The following NR6A1 variants were observed in gnomAD, a reference collection of about 807,000 sequenced individuals.
NR6A1 encodes the protein retinoic acid receptor-related testis-associated receptor.
A neutral mutation model predicts 59.1 loss-of-function variants in NR6A1; 7 were observed. The ratio of observed to expected loss-of-function variants is 0.12; its 90% CI spans 0.07 to 0.22. NR6A1 has a LOEUF of 0.22. Among genes scored for constraint, NR6A1 ranks in the 10% least tolerant of loss-of-function variants. The pLI, the probability that NR6A1 is intolerant of heterozygous loss-of-function variation, is 1.00. For synonymous variants in NR6A1, 243 were observed against 236.1 expected, an observed-to-expected ratio of 1.03 and a Z score of -0.27; for missense variants, 468 against 611.6, an observed-to-expected ratio of 0.77 and a Z score of 2.48.
chr9:124,715,611 CAG>C (rs1588822013), intron 2 of NR6A1, among the ~76,000 whole-genome samples: 2 of 151,824 alleles, frequency 1.3e-5, no homozygotes, highest in Middle Eastern at 3.4e-3. Flanking sequence ...CCCAAATGGA[CAG>C]AGTCAATACA....
chr9:124,594,584 G>A (rs1215029656), intron 2 of NR6A1, among the ~76,000 whole-genome samples: 1 of 152,176 alleles, frequency 6.6e-6, no homozygotes, highest in African/African-American at 2.4e-5. Flanking sequence ...GAATTTCTAT[G>A]CATACTGGGG....
chr9:124,529,014 C>A (rs550649798), intron 7 of NR6A1, among the ~76,000 whole-genome samples: 3 of 152,338 alleles, frequency 2.0e-5, no homozygotes, highest in South Asian at 4.1e-4. Flanking sequence ...ACTGCACATG[C>A]AATCTGGAAC....
chr9:124,697,657 C>G (rs1228265898), intron 2 of NR6A1, among the ~76,000 whole-genome samples: 1 of 146,622 alleles, frequency 6.8e-6, no homozygotes, highest in Non-Finnish European at 1.5e-5. Flanking sequence ...GAGACAAGGC[C>G]AGAAAAGAAG....
intron 2 of NR6A1, among the ~76,000 whole-genome samples, chr9:124,580,842 A>AATC (rs1338700332): frequency 2.0e-5 from 3 of 151,984 alleles, no homozygotes; most frequent in Non-Finnish European, 4.4e-5. Context: ...TAATAATAAT[A>AATC]ATAAAGAATA....
intron 2 of NR6A1, among the ~76,000 whole-genome samples, chr9:124,625,325 A>AGCAATAGTGTT (rs1836205668): frequency 6.6e-6 from 1 of 152,200 alleles, no homozygotes; most frequent in Non-Finnish European, 1.5e-5. Context: ...CTTTAGAAAG[A>AGCAATAGTGTT]GCAATAGTGT....
At chr9:124,633,273 C>T (rs1023164127) in intron 2 of NR6A1, among the ~76,000 whole-genome samples, 3 of 151,482 alleles carry the variant, frequency 2.0e-5, no homozygotes, top group Admixed American at 1.3e-4. Context: ...CATGGTGGCG[C>T]GCGCCTGTAG....
At chr9:124,725,849 T>TA (rs371893228) in intron 2 of NR6A1, among the ~76,000 whole-genome samples, 2 of 152,162 alleles carry the variant, frequency 1.3e-5, no homozygotes, top group Non-Finnish European at 2.9e-5. Flanking sequence ...TTTGAGGGAA[T>TA]AAAAAATGTT....
At chr9:124,660,388 T>G (rs1837392654) in intron 2 of NR6A1, among the ~76,000 whole-genome samples, 1 of 152,224 alleles carries the variant, frequency 6.6e-6, no homozygotes, top group Admixed American at 6.5e-5. Context: ...CTTCCTAGCA[T>G]GGCTCTGAGC....
rs769800560 is a variant in NR6A1 at position 124,538,245 on chromosome 9, T to C, written c.671A>G (p.Gln224Arg). Residue 224 changes from glutamine (Q) to arginine (R), a missense_variant, in exon 6 of 10, where the codon CAA (glutamine) becomes CGA (arginine). Transcript: ENST00000487099. ...ATAGCTAAAAAGGTGCGGTATATAT[T>C]GGTAATGTGGAGGCACAGACATTCC... ...YMGMSVPPHYQYIPHLFSYSG... is the reference protein window; with the variant it reads ...YMGMSVPPHYRYIPHLFSYSG... 2 of 1,614,182 alleles carry C rather than the reference T, an allele frequency of 1.2e-6. No homozygotes were observed. The highest frequency in any genetic ancestry group is 2.2e-5 in the East Asian group (1 of 44,888).
chr9:124,716,757 G>C (rs1839426377), intron 2 of NR6A1, among the ~76,000 whole-genome samples: 1 of 152,150 alleles, frequency 6.6e-6, no homozygotes, highest in Admixed American at 6.5e-5. Context: ...ACAGCCTCCT[G>C]AGTAGCTGGG....
chr9:124,530,672 TG>T (rs1187697740), intron 7 of NR6A1, among the ~76,000 whole-genome samples: 1 of 152,166 alleles, frequency 6.6e-6, no homozygotes, highest in Non-Finnish European at 1.5e-5. Flanking sequence ...TCTTTTTCAT[TG>T]ATCTAAATGC....
chr9:124,531,232 G>T (rs1161327627), intron 7 of NR6A1, among the ~76,000 whole-genome samples: 1 of 152,220 alleles, frequency 6.6e-6, no homozygotes, highest in Non-Finnish European at 1.5e-5. Context: ...AGCCCATCTA[G>T]CTCAAGGCAT....
At chr9:124,766,992 G>C (rs1840951510) in intron 1 of NR6A1, among the ~76,000 whole-genome samples, 1 of 152,162 alleles carries the variant, frequency 6.6e-6, no homozygotes, top group Non-Finnish European at 1.5e-5. Context: ...AAGCCAACTT[G>C]CACAACAAAC....
chr9:124,687,074 T>G (rs992011417), intron 2 of NR6A1, among the ~76,000 whole-genome samples: 15 of 152,040 alleles, frequency 9.9e-5, no homozygotes, highest in Non-Finnish European at 2.2e-4. Flanking sequence ...ACTAGGCCAA[T>G]TTGCTATCTC....
chr9:124,568,245 G>T (rs1452877333), intron 2 of NR6A1, among the ~76,000 whole-genome samples: 1 of 150,212 alleles, frequency 6.7e-6, no homozygotes, highest in Middle Eastern at 3.5e-3. Context: ...CAGCACTTTG[G>T]GAGGCTGAGG....
intron 1 of NR6A1, among the ~76,000 whole-genome samples, chr9:124,738,678 G>A (rs1483912625): frequency 6.6e-6 from 1 of 152,080 alleles, no homozygotes; most frequent in Non-Finnish European, 1.5e-5. Flanking sequence ...AGACCACCCT[G>A]ACCAACATGG....
chr9:124,524,417 T>C (rs1832873420), intron 9 of NR6A1, among the ~76,000 whole-genome samples: 1 of 152,220 alleles, frequency 6.6e-6, no homozygotes, highest in South Asian at 2.1e-4. Context: ...TCTGAGTCTC[T>C]GTTTCCTCAT....
chr9:124,550,261 A>G (rs974304938), intron 3 of NR6A1, among the ~76,000 whole-genome samples: 1 of 151,770 alleles, frequency 6.6e-6, no homozygotes, highest in Admixed American at 6.6e-5. Flanking sequence ...TGTAATTACT[A>G]TATATTTGCA....
chr9:124,731,020 T>C (rs573392270), intron 2 of NR6A1, among the ~76,000 whole-genome samples: 2 of 152,216 alleles, frequency 1.3e-5, no homozygotes, highest in East Asian at 1.9e-4. Flanking sequence ...TTATGTGTAG[T>C]TGTCTGAAAG....
Sources: gnomAD v4.1 joint callset for allele counts (sites outside exome capture counted in the v4.1 genomes callset) on GRCh38, gnomAD v4.1.1 for gene constraint, MANE v1.5 for transcripts, NCBI Gene and HGNC (gene_info 2026-07-23, HGNC 2026-07-21) for gene names.